SRRM2: variants seen among roughly 807,000 people sequenced by gnomAD.
The protein encoded by SRRM2 is serine/arginine repetitive matrix protein 2.
Under a neutral mutation model 213.8 loss-of-function variants are expected in SRRM2, and 30 were observed. That is an observed-to-expected ratio of 0.14 (90% CI 0.10 to 0.19). SRRM2 has a LOEUF of 0.19. SRRM2 is among the 10% of genes least tolerant of loss of function. The probability of loss-of-function intolerance (pLI) is 1.00; values close to 1 mark genes in which losing one functional copy is unlikely to be tolerated. For missense variants in SRRM2, 4,904 were observed against 3,647.0 expected, an observed-to-expected ratio of 1.34 and a Z score of -8.88; for synonymous variants, 2,025 against 1,377.7, an observed-to-expected ratio of 1.47 and a Z score of -10.40.
At chr16:2,756,815 G>A (rs977170647) in intron 2 of SRRM2, among the ~76,000 whole-genome samples, 1 of 152,112 alleles carries the variant, frequency 6.6e-6, no homozygotes, top group African/African-American at 2.4e-5. Flanking sequence ...GGCATAGATG[G>A]GAGCCTGAGG....
In SRRM2 at chr16:2,761,912, C is replaced by G. The variant is rs775847464; in HGVS notation, c.1384C>G (p.Arg462Gly). The G allele has an allele frequency of 1.5e-5, 24 of 1,613,870 alleles. No individual in the cohort carries two copies. Among genetic ancestry groups the G allele is most frequent in the Non-Finnish European group, 2.0e-5 (24 of 1,180,020 alleles). ...EISSSPTSKN[R>G]SHGRAKRDKS... Reference sequence around the variant, plus strand: ...TTCTTCTTCTCCCACATCTAAGAATCGCTCACATGGCCGAGCAAAACGGGA... The same window carrying G: ...TTCTTCTTCTCCCACATCTAAGAATGGCTCACATGGCCGAGCAAAACGGGA... Residue 462 changes from arginine (R) to glycine (G), a missense_variant, in exon 11 of 15, where the codon CGC (arginine) becomes GGC (glycine). Coordinates refer to ENST00000301740, the MANE Select transcript of SRRM2 (RefSeq NM_016333.4).
chr16:2,767,829 C>T lies in SRRM2; in HGVS notation c.7301C>T (p.Ala2434Val), dbSNP rs746076894. Residue 2434 changes from alanine (A) to valine (V), a missense_variant, in exon 11 of 15, where the codon GCT becomes GTT. Physicochemically the swap from Ala to Val is moderately conservative, Grantham distance 64. Coordinates refer to ENST00000301740, the MANE Select transcript of SRRM2 (RefSeq NM_016333.4). ...APSPSSRMGQAPSQSLLPPAQ... is the reference protein window; with the variant it reads ...APSPSSRMGQVPSQSLLPPAQ... ...TCCCCTTCCTCTAGAATGGGCCAGG[C>T]TCCTTCACAGTCTCTTCTCCCTCCA... The T allele has an allele frequency of 2.5e-6, 4 of 1,613,960 alleles. No individual in the cohort carries two copies. The Admixed American group carries it at 5.0e-5, about 20-fold the overall frequency.
At chr16:2,755,531 CAG>C (rs1341568693) in intron 1 of SRRM2, among the ~76,000 whole-genome samples, 16 of 152,028 alleles carry the variant, frequency 1.1e-4, no homozygotes, top group African/African-American at 2.7e-4. Flanking sequence ...GCTGGCAAGA[CAG>C]GGAGGAACTG....
chr16:2,754,770 C>T (rs1323246171), intron 1 of SRRM2, among the ~76,000 whole-genome samples: 1 of 152,110 alleles, frequency 6.6e-6, no homozygotes, highest in African/African-American at 2.4e-5. Context: ...AGGATTGGTA[C>T]TAGAAGATGA....
intron 1 of SRRM2, among the ~76,000 whole-genome samples, chr16:2,755,673 A>G (rs549107156): frequency 5.3e-5 from 8 of 152,374 alleles, no homozygotes; most frequent in African/African-American, 1.7e-4. Context: ...TATGACGATT[A>G]TCCAAGGTTC....
At position 2,766,913 on chromosome 16, in the gene SRRM2, C is replaced by T. The variant is rs375690866; in HGVS notation, c.6385C>T (p.Arg2129Cys). The T allele has an allele frequency of 1.1e-4, 175 of 1,613,972 alleles. No individual in the cohort carries two copies. The highest frequency in any genetic ancestry group is 1.3e-4 in the South Asian group (12 of 91,088). The stretch of plus-strand genomic sequence containing the variant: ...TAGCATGTCCCCAACACCTCTTGAT[C>T]GCTGCAGATCACCTGGAATGCTTGA... ...RPSMSPTPLD[R>C]CRSPGMLEPL... The change falls in exon 11 of 15, where the codon CGC becomes TGC. Residue 2129 changes from arginine to cysteine, a missense_variant. Physicochemically the swap from Arg to Cys is radical, Grantham distance 180. Coordinates refer to ENST00000301740, the MANE Select transcript of SRRM2 (RefSeq NM_016333.4). The surrounding 1 kb of genome is among the most constrained non-coding windows in gnomAD (Gnocchi z 7.0).
intron 12 of SRRM2, 174 bp downstream of exon 12, chr16:2,769,458 AG>A (rs2068662627): frequency 1.3e-6 from 1 of 765,636 alleles, no homozygotes; most frequent in African/African-American, 1.8e-5. Context: ...GTTCTGGCGA[AG>A]GGCTGCGCCA....
chr16:2,755,764 A>G (rs759959760), intron 1 of SRRM2, among the ~76,000 whole-genome samples: 62 of 152,186 alleles, frequency 4.1e-4, no homozygotes, highest in Non-Finnish European at 6.6e-4. Flanking sequence ...TGCTGTTCAG[A>G]TACCTAGGGG....
chr16:2,756,647 C>A, intron 2 of SRRM2, 41 bp downstream of exon 2: 2 of 1,577,520 alleles, frequency 1.3e-6, no homozygotes, highest in Admixed American at 1.8e-5. Context: ...TGAATGAGTG[C>A]AGAGCTGGGG....
In SRRM2 at chr16:2,763,660, A is replaced by G; in HGVS notation, c.3132A>G (p.Pro1044=). 6.2e-7 allele frequency: 1 copy of G among 1,614,160 alleles called. No homozygotes were observed. The highest frequency in any genetic ancestry group is 1.3e-5 in the African/African-American group (1 of 75,046). ...GTGCAGGAGTAAAATCTAGCACACC[A>G]CCAGGCGAGAGCTATTTTGGTGTCT... is the stretch of plus-strand genomic sequence containing the variant. The part of the protein sequence containing the change: ...SLCAGVKSST[P]PGESYFGVSS... Residue 1044 remains proline (P), a synonymous_variant, in exon 11 of 15, where the codon CCA becomes CCG. Transcript: ENST00000301740.
Position 2,770,776 on chromosome 16 carries a change from G to A in SRRM2, c.8249+59G>A, listed in dbSNP as rs772024965. 156 of 1,606,314 alleles carry A rather than the reference G, an allele frequency of 9.7e-5. No individual in the cohort carries two copies. The East Asian group carries it at 2.4e-3, about 25-fold the overall frequency. ...GGAGCCAGTTGTGGTGGTGGGTGGC[G>A]GCCCCATTTTGGGAGTGGCCCAGAA... On this transcript the variant is annotated intron_variant, in intron 14 of 14. Coordinates refer to ENST00000301740, the MANE Select transcript of SRRM2 (RefSeq NM_016333.4).
At chr16:2,768,970 C>T (rs375670752) in intron 11 of SRRM2, 27 bp from the exon 12 acceptor site, 4 of 1,610,330 alleles carry the variant, frequency 2.5e-6, no homozygotes, top group African/African-American at 2.7e-5. Context: ...CAGCTTGTCT[C>T]CTTGTGACAC....
chr16:2,771,291 C>T lies in SRRM2; in HGVS notation c.*424C>T, dbSNP rs964192291. 5.3e-6 allele frequency: 5 copies of T among 939,694 alleles called. No homozygotes were observed. The highest frequency in any genetic ancestry group is 8.5e-6 in the Non-Finnish European group (5 of 589,600). 58.2% of individuals were successfully genotyped at this position (939,694 alleles called of 1,614,324 possible). A position where few individuals can be genotyped will look rare whatever the true frequency, so the allele number is the denominator to read the frequency against. On this transcript the variant is annotated 3_prime_UTR_variant, in exon 15 of 15. Coordinates refer to ENST00000301740, the MANE Select transcript of SRRM2 (RefSeq NM_016333.4). Reference sequence around the variant, plus strand: ...GTTGGAATTAGTTGGTCCCTACTGTCCCCCATGAGGTTGTGAACCCCTCCC... The same window carrying T: ...GTTGGAATTAGTTGGTCCCTACTGTTCCCCATGAGGTTGTGAACCCCTCCC...
chr16:2,770,897 A>G lies in SRRM2; in HGVS notation c.*30A>G, dbSNP rs759496090. ...TCTTTGGGGGATTCCACCACACCCA[A>G]TGCTCTGGAGCCACAAGGAGTGTCC... is the stretch of plus-strand genomic sequence containing the variant. On this transcript the variant is annotated 3_prime_UTR_variant, in exon 15 of 15. Coordinates refer to ENST00000301740, the MANE Select transcript of SRRM2 (RefSeq NM_016333.4). The G allele has an allele frequency of 1.5e-5, 25 of 1,613,306 alleles. No homozygotes were observed. The highest frequency in any genetic ancestry group is 1.0e-4 in the Admixed American group (6 of 59,982).
chr16:2,755,049 C>G (rs1037469933), intron 1 of SRRM2, among the ~76,000 whole-genome samples: 2 of 152,230 alleles, frequency 1.3e-5, no homozygotes, highest in South Asian at 2.1e-4. Flanking sequence ...TTTGATTACT[C>G]TCTCCGCTTT....
rs763120347 is a variant in SRRM2, at chr16:2,767,611, G to A, written c.7083G>A (p.Leu2361=). 4.3e-6 allele frequency: 7 copies of A among 1,614,016 alleles called. No individual in the cohort carries two copies. The highest frequency in any genetic ancestry group is 5.9e-6 in the Non-Finnish European group (7 of 1,180,026). ...CCGGCTCCAGAACCGCCGCAGCCTTGGCCCCCGCGAGCCTCACCAGTGCTA... is the reference window on the plus strand; with the variant it reads ...CCGGCTCCAGAACCGCCGCAGCCTTAGCCCCCGCGAGCCTCACCAGTGCTA... ...NIAGSRTAAA[L]APASLTSARM... Residue 2361 remains leucine, a synonymous_variant, in exon 11 of 15, where the codon TTG becomes TTA. Transcript: ENST00000301740.
In SRRM2 at chr16:2,763,529, G is replaced by T. The variant is rs1423424564; in HGVS notation, c.3001G>T (p.Ala1001Ser). The T allele has an allele frequency of 1.2e-6, 2 of 1,614,032 alleles. No homozygotes were observed. The highest frequency in any genetic ancestry group is 1.6e-4 in the Middle Eastern group (1 of 6,062). The part of the protein sequence containing the change: ...GSISPYPKVK[A>S]QTPPGPSLSG... ...TATTTCACCATACCCCAAAGTAAAG[G>T]CCCAAACTCCACCGGGGCCAAGTCT... Residue 1001 changes from alanine (A) to serine (S), a missense_variant, in exon 11 of 15, where the codon GCC becomes TCC. Physicochemically the swap from Ala to Ser is moderately conservative, Grantham distance 99 (BLOSUM62 1). Transcript: ENST00000301740.
chr16:2,762,384 C>T lies in SRRM2; in HGVS notation c.1856C>T (p.Thr619Ile). ...CGGAGGGGCAGGTCTCGGTCTAGAACACCTGCTAGGCGCAGATCTAGGACC... is the reference window on the plus strand; with the variant it reads ...CGGAGGGGCAGGTCTCGGTCTAGAATACCTGCTAGGCGCAGATCTAGGACC... ...PARRGRSRSRTPARRRSRTRS... is the reference protein window; with the variant it reads ...PARRGRSRSRIPARRRSRTRS... The change falls in exon 11 of 15, where the codon ACA becomes ATA. Residue 619 changes from threonine (T) to isoleucine (I), a missense_variant. Thr to Ile is a moderately conservative substitution (Grantham distance 89). Coordinates refer to ENST00000301740, the MANE Select transcript of SRRM2 (RefSeq NM_016333.4). The T allele has an allele frequency of 6.2e-7, 1 of 1,614,196 alleles. No homozygotes were observed. The highest frequency in any genetic ancestry group is 1.6e-4 in the Middle Eastern group (1 of 6,062).
At chr16:2,760,245 G>C (rs2068290891) in intron 9 of SRRM2, 56 bp from the exon 10 acceptor site, 2 of 1,552,630 alleles carry the variant, frequency 1.3e-6, no homozygotes, top group Non-Finnish European at 8.7e-7. Context: ...GGGGTTTTCT[G>C]TTCTCCCTTT....
Sources: allele counts gnomAD v4.1 joint callset (sites outside exome capture counted in the v4.1 genomes callset), GRCh38; gene constraint gnomAD v4.1.1; non-coding constraint Gnocchi (gnomAD v3.1); transcripts MANE v1.5; gene names NCBI Gene and HGNC (gene_info 2026-07-23, HGNC 2026-07-21).